Variants in ZBTB16 observed in about 807,000 individuals in gnomAD.
ZBTB16 encodes zinc finger and BTB domain-containing protein 16.
In ZBTB16, 8 loss-of-function variants were observed where a neutral mutation model predicts 56.8. That is an observed-to-expected ratio of 0.14 (90% CI 0.08 to 0.25). The LOEUF (loss-of-function observed/expected upper bound fraction) is 0.25. ZBTB16 is among the 10% of genes least tolerant of loss of function. ZBTB16 has a pLI of 1.00. For missense variants in ZBTB16, 625 were observed against 903.0 expected (o/e 0.69, Z 3.95); for synonymous variants, 363 against 368.5 (o/e 0.98, Z 0.17).
chr11:114,215,738 AT>A (rs980242384), intron 4 of ZBTB16, among the ~76,000 whole-genome samples: 3 of 152,202 alleles, frequency 2.0e-5, no homozygotes, highest in African/African-American at 7.2e-5. Context: ...AGATGCCCTT[AT>A]CTTTTTATAG....
At chr11:114,209,759 C>G in intron 4 of ZBTB16, 4 of 985,440 alleles carry the variant, frequency 4.1e-6, no homozygotes, top group Non-Finnish European at 4.8e-6. Flanking sequence ...CTTGCCACTT[C>G]AGGAGTACAC....
chr11:114,159,291 G>A (rs1198996775), intron 3 of ZBTB16, among the ~76,000 whole-genome samples: 1 of 152,104 alleles, frequency 6.6e-6, no homozygotes, highest in African/African-American at 2.4e-5. Flanking sequence ...TCTTTTCCTA[G>A]TTTTTCCTTT....
At chr11:114,210,882 T>C (rs1370216415) in intron 4 of ZBTB16, 1 of 204,712 alleles carries the variant, frequency 4.9e-6, no homozygotes, top group Non-Finnish European at 1.0e-5. Context: ...TTTCTGGCTG[T>C]CTTGGAGATT....
intron 4 of ZBTB16, among the ~76,000 whole-genome samples, chr11:114,230,901 T>C (rs1040925925): frequency 1.3e-5 from 2 of 152,040 alleles, no homozygotes; most frequent in Non-Finnish European, 2.9e-5. Context: ...TCTGTCTGGG[T>C]CTCCTCCTGC....
chr11:114,181,679 C>G (rs1439061791), intron 3 of ZBTB16, among the ~76,000 whole-genome samples: 1 of 152,038 alleles, frequency 6.6e-6, no homozygotes, highest in East Asian at 1.9e-4. Context: ...CTGTGAGTGG[C>G]CAAGTTAGGC....
chr11:114,180,122 T>TG (rs1327792849), intron 3 of ZBTB16, among the ~76,000 whole-genome samples: 11 of 152,184 alleles, frequency 7.2e-5, no homozygotes, highest in African/African-American at 2.7e-4. Context: ...GAACTTTAAC[T>TG]GGCTTTGAAC....
At chr11:114,126,468 C>T (rs1486785667) in intron 2 of ZBTB16, among the ~76,000 whole-genome samples, 1 of 152,134 alleles carries the variant, frequency 6.6e-6, no homozygotes, top group African/African-American at 2.4e-5. Context: ...ACTGGGTCTT[C>T]TGGGGTTGGT....
intron 2 of ZBTB16, among the ~76,000 whole-genome samples, chr11:114,111,622 A>AT (rs1206901421): frequency 4.6e-5 from 7 of 152,226 alleles, no homozygotes; most frequent in African/African-American, 1.7e-4. Context: ...CAAGGCAAAC[A>AT]TTATGAATGA....
rs987501577 is a variant in ZBTB16 at position 114,251,989 on chromosome 11, T to C, written c.*1434T>C. Reference sequence around the variant, plus strand: ...TTCTTGTGTAAATTAATAGTTGTTTTTATAGACTTCAGCTGGTCAAGACCC... The same window carrying C: ...TTCTTGTGTAAATTAATAGTTGTTTCTATAGACTTCAGCTGGTCAAGACCC... On this transcript the variant is annotated 3_prime_UTR_variant, in exon 7 of 7. Transcript: ENST00000335953. Among the ~76,000 whole-genome samples the C allele has an allele frequency of 2.0e-5, 3 of 152,126 alleles. No individual in the cohort carries two copies. The highest frequency in any genetic ancestry group is 7.2e-5 in the African/African-American group (3 of 41,406).
intron 2 of ZBTB16, among the ~76,000 whole-genome samples, chr11:114,130,782 G>A (rs1475131155): frequency 6.6e-6 from 1 of 152,226 alleles, no homozygotes; most frequent in African/African-American, 2.4e-5. Flanking sequence ...AGTAAGCGTG[G>A]CTTAAGGTGA....
Position 114,123,967 on chromosome 11 carries a change from T to G in ZBTB16, c.1269-32370T>G, listed in dbSNP as rs1285092099. Reference sequence around the variant, plus strand: ...CAGATGATGAATATATTTTTAAACTTGGAACCCATGAACCACTTATTATTT... The same window carrying G: ...CAGATGATGAATATATTTTTAAACTGGGAACCCATGAACCACTTATTATTT... On this transcript the variant is annotated intron_variant, in intron 2 of 6. Coordinates refer to ENST00000335953, the MANE Select transcript of ZBTB16 (RefSeq NM_006006.6). 7.2e-5 allele frequency among the ~76,000 whole-genome samples: 11 copies of G among 152,182 alleles called. 1 individual carries two copies. Among genetic ancestry groups the G allele is most frequent in the Non-Finnish European group, 2.9e-5 (2 of 68,038 alleles).
At chr11:114,158,584 A>G (rs1183809615) in intron 3 of ZBTB16, among the ~76,000 whole-genome samples, 1 of 152,044 alleles carries the variant, frequency 6.6e-6, no homozygotes, top group Non-Finnish European at 1.5e-5. Flanking sequence ...TTATTTATGG[A>G]CTTATCTCTC....
intron 3 of ZBTB16, among the ~76,000 whole-genome samples, chr11:114,160,886 G>A (rs1376771889): frequency 1.3e-5 from 2 of 151,648 alleles, no homozygotes; most frequent in Non-Finnish European, 2.9e-5. Flanking sequence ...AGAGGCTTGG[G>A]GTGGGAAGAG....
intron 2 of ZBTB16, among the ~76,000 whole-genome samples, chr11:114,134,205 C>T (rs1941740705): frequency 6.6e-6 from 1 of 152,200 alleles, no homozygotes; most frequent in Non-Finnish European, 1.5e-5. Flanking sequence ...TGCTCTGCCC[C>T]TGGTGTTTGT....
rs2135222890 is a variant in ZBTB16, at chr11:114,252,152, C to T, written c.*1597C>T. On this transcript the variant is annotated 3_prime_UTR_variant, in exon 7 of 7. Transcript: ENST00000335953. ...GGATGTTGCTTTGGGGTCTCATGGT[C>T]CCCAGAGGGCACTAGGGAGTCACTT... 6.6e-6 allele frequency among the ~76,000 whole-genome samples: 1 copy of T among 152,084 alleles called. No homozygotes were observed. Among genetic ancestry groups the T allele is most frequent in the Middle Eastern group, 3.4e-3 (1 of 294 alleles).
At chr11:114,107,107 G>T (rs1940819762) in intron 2 of ZBTB16, among the ~76,000 whole-genome samples, 1 of 152,134 alleles carries the variant, frequency 6.6e-6, no homozygotes, top group Non-Finnish European at 1.5e-5. Context: ...CCAGCCACGA[G>T]GCGCCAGGGC....
At chr11:114,203,270 A>T (rs1298184492) in intron 4 of ZBTB16, among the ~76,000 whole-genome samples, 1 of 152,246 alleles carries the variant, frequency 6.6e-6, no homozygotes, top group Admixed American at 6.5e-5. Context: ...CTAGACAGTT[A>T]GTAGATTAGT....
At position 114,068,026 on chromosome 11, in the gene ZBTB16, C is replaced by T. The variant is rs556024135; in HGVS notation, c.1268+3458C>T. ...TGCTATGGTGGAAAAAAAAAAACAA[C>T]AGCCCTATAACCAGTACAAACAAAA... On this transcript the variant is annotated intron_variant, in intron 2 of 6. Coordinates refer to ENST00000335953, the MANE Select transcript of ZBTB16 (RefSeq NM_006006.6). Among the ~76,000 whole-genome samples the T allele has an allele frequency of 5.1e-4, 68 of 134,060 alleles. 1 individual carries two copies. The highest frequency in any genetic ancestry group is 7.4e-3 in the Middle Eastern group (2 of 270). 87.9% of individuals were successfully genotyped at this position (134,060 alleles called of 152,430 possible).
At chr11:114,207,579 TACAC>T (rs1285333569) in intron 4 of ZBTB16, among the ~76,000 whole-genome samples, 3 of 139,878 alleles carry the variant, frequency 2.1e-5, no homozygotes, top group South Asian at 2.2e-4. Flanking sequence ...GTTTGCCTGA[TACAC>T]ACACACAACA....
Sources: gnomAD v4.1 joint callset for allele counts (sites outside exome capture counted in the v4.1 genomes callset) on GRCh38, gnomAD v4.1.1 for gene constraint, MANE v1.5 for transcripts, NCBI Gene and HGNC (gene_info 2026-07-23, HGNC 2026-07-21) for gene names.